Variants in ZNF701 observed in about 807,000 individuals in gnomAD.
ZNF701 encodes the protein zinc finger protein 701.
A neutral mutation model predicts 7.1 loss-of-function variants in ZNF701; 6 were observed. The ratio of observed to expected loss-of-function variants is 0.84; its 90% CI spans 0.46 to 1.66. ZNF701 has a LOEUF of 1.66. Ranked by LOEUF, ZNF701 falls within the 40% of genes most tolerant of loss-of-function variation. The pLI, the probability that ZNF701 is intolerant of heterozygous loss-of-function variation, is 0.01. For missense variants in ZNF701, 541 were observed against 559.2 expected, an observed-to-expected ratio of 0.97 and a Z score of 0.33; for synonymous variants, 166 against 188.2, an observed-to-expected ratio of 0.88 and a Z score of 0.97.
downstream of ZNF701, chr19:52,588,490 A>G (rs1568510003): frequency 4.0e-6 from 1 of 249,734 alleles, no homozygotes; most frequent in African/African-American, 2.4e-5. Context: ...ATCTCAAAAA[A>G]AAAAAAAAGA....
Position 52,583,594 on chromosome 19 carries a change from G to C in ZNF701, c.*137G>C, listed in dbSNP as rs1297045881. On this transcript the variant is annotated 3_prime_UTR_variant, in exon 4 of 4. Transcript: ENST00000391785. Reference sequence around the variant, plus strand: ...TTCAAATCACTCCTTGAAATACATAGGAGAGTTCATACTGGAGAGAAACCA... The same window carrying C: ...TTCAAATCACTCCTTGAAATACATACGAGAGTTCATACTGGAGAGAAACCA... 3 of 1,404,666 alleles carry C rather than the reference G, an allele frequency of 2.1e-6. No individual in the cohort carries two copies. In the African/African-American group the frequency reaches 4.3e-5, roughly 20 times the overall value. The allele number at this position is 1,404,666 out of a possible 1,614,324, so 87.0% of individuals were successfully genotyped here. A position where few individuals can be genotyped will look rare whatever the true frequency, so the allele number is the denominator to read the frequency against.
chr19:52,588,635 G>T, downstream of ZNF701: 1 of 350,510 alleles, frequency 2.9e-6, no homozygotes, highest in South Asian at 2.9e-5. Context: ...TTCCTCGGTG[G>T]ATTCTTCTGT....
the ZNF701 span, chr19:52,596,071 A>G: frequency 5.6e-6 from 7 of 1,242,180 alleles, no homozygotes; most frequent in African/African-American, 3.0e-5. Flanking sequence ...TCTATTCTTC[A>G]TTATTCACAC....
chr19:52,575,545 G>A (rs982570816), intron 2 of ZNF701, among the ~76,000 whole-genome samples: 2 of 150,180 alleles, frequency 1.3e-5, no homozygotes, highest in African/African-American at 4.9e-5. Context: ...TTGTTGCCCA[G>A]GCTAGAATGC....
intron 2 of ZNF701, among the ~76,000 whole-genome samples, chr19:52,574,899 A>G (rs943425516): frequency 2.0e-5 from 3 of 152,180 alleles, no homozygotes; most frequent in African/African-American, 7.2e-5. Context: ...CAGCTGCCAA[A>G]TTATCCTTTT....
Position 52,582,802 on chromosome 19 carries a change from G to A in ZNF701, c.743G>A (p.Cys248Tyr). ...LGDKQYKCDV[C>Y]GKDFHQKRYL... The stretch of plus-strand genomic sequence containing the variant: ...GACAAACAGTATAAATGTGATGTAT[G>A]CGGCAAGGACTTTCATCAGAAGCGA... The change falls in exon 4 of 4, where the codon TGC (cysteine) becomes TAC (tyrosine). Residue 248 changes from cysteine (C) to tyrosine (Y), a missense_variant. Coordinates refer to ENST00000391785, the MANE Select transcript of ZNF701 (RefSeq NM_018260.3). The A allele has an allele frequency of 1.2e-6, 2 of 1,614,152 alleles. No homozygotes were observed. Among genetic ancestry groups the A allele is most frequent in the Non-Finnish European group, 1.7e-6 (2 of 1,180,036 alleles).
intron 2 of ZNF701, among the ~76,000 whole-genome samples, chr19:52,575,279 A>G (rs781286519): frequency 2.6e-4 from 39 of 151,964 alleles, no homozygotes; most frequent in Non-Finnish European, 5.4e-4. Context: ...TACTTTTTGT[A>G]TTTTTAAAAC....
rs115694523 is a variant in ZNF701 at position 52,582,823 on chromosome 19, A to G, written c.764A>G (p.Lys255Arg). ...CDVCGKDFHQ[K>R]RYLACHRCHT... ...GTATGCGGCAAGGACTTTCATCAGA[A>G]GCGATACCTTGCATGCCATAGATGT... Residue 255 changes from lysine to arginine, a missense_variant, in exon 4 of 4, where the codon AAG (lysine) becomes AGG (arginine). Lys to Arg is a conservative substitution (Grantham distance 26). Transcript: ENST00000391785. 717 of 1,614,172 alleles carry G rather than the reference A, an allele frequency of 4.4e-4. 3 individuals are homozygous for G. In the African/African-American group the frequency reaches 8.7e-3, roughly 20 times the overall value.
At chr19:52,596,587 ATGGACTTCATAC>A in the ZNF701 span, 1 of 409,958 alleles carries the variant, frequency 2.4e-6, no homozygotes, top group South Asian at 1.9e-5. Context: ...CTTGCACATC[ATGGACTTCATAC>A]TGGAGGGAAA....
At position 52,583,191 on chromosome 19, in the gene ZNF701, G is replaced by A. The variant is rs757681166; in HGVS notation, c.1132G>A (p.Gly378Arg). The A allele has an allele frequency of 5.6e-6, 9 of 1,613,844 alleles. No individual in the cohort carries two copies. The highest frequency in any genetic ancestry group is 2.2e-5 in the East Asian group (1 of 44,842). The change falls in exon 4 of 4, where the codon GGA becomes AGA. Residue 378 changes from glycine (G) to arginine (R), a missense_variant. Gly to Arg is a moderately radical substitution (Grantham distance 125, BLOSUM62 -2). Transcript: ENST00000391785. ...HLAQHTVIHT[G>R]EKPYKCNECG... ...GGCACAACATACTGTAATTCACACT[G>A]GAGAGAAACCTTACAAGTGTAATGA...
downstream of ZNF701, among the ~76,000 whole-genome samples, chr19:52,587,469 G>C (rs974180939): frequency 2.0e-5 from 3 of 152,176 alleles, no homozygotes; most frequent in Non-Finnish European, 4.4e-5. Flanking sequence ...TCAACTGCAA[G>C]TGACAAGCAG....
At chr19:52,576,288 C>A (rs571229789) in intron 3 of ZNF701, among the ~76,000 whole-genome samples, 21 of 152,268 alleles carry the variant, frequency 1.4e-4, no homozygotes, top group African/African-American at 5.1e-4. Flanking sequence ...CACCTGTCAT[C>A]ACAGCACTTT....
chr19:52,578,009 C>CT (rs1182709937), intron 3 of ZNF701, among the ~76,000 whole-genome samples: 1 of 152,040 alleles, frequency 6.6e-6, no homozygotes, highest in Non-Finnish European at 1.5e-5. Context: ...AATCCCAGCA[C>CT]TTTAGGGGTC....
chr19:52,597,072 A>C, the ZNF701 span: 4 of 1,212,944 alleles, frequency 3.3e-6, no homozygotes, highest in Non-Finnish European at 4.7e-6. Context: ...GAGAATCCAT[A>C]ATGAAGACAG....
rs181498543 is a variant in ZNF701 at position 52,580,400 on chromosome 19, T to G, written c.143-1802T>G. ...CCACCGTGCCCAGCTAATGTTTTTG[T>G]ATTTTTAGTAGATATGGGGTTGCAC... is the stretch of plus-strand genomic sequence containing the variant. On this transcript the variant is annotated intron_variant, in intron 3 of 3. Transcript: ENST00000391785. Among the ~76,000 whole-genome samples, 19 of 152,290 alleles carry G rather than the reference T, an allele frequency of 1.2e-4. 2 individuals are homozygous for G. The East Asian group carries it at 3.7e-3, about 29-fold the overall frequency.
rs2059889453 is a variant in ZNF701 at position 52,570,328 on chromosome 19, G to A, written c.-74G>A. 6.5e-6 allele frequency: 1 copy of A among 154,200 alleles called. No homozygotes were observed. Among genetic ancestry groups the A allele is most frequent in the Non-Finnish European group, 1.4e-5 (1 of 69,226 alleles). 9.6% of individuals were successfully genotyped at this position (154,200 alleles called of 1,614,324 possible). On this transcript the variant is annotated splice_region_variant and 5_prime_UTR_variant, in exon 1 of 4. Transcript: ENST00000391785. ...CCCGTGGAGTGAAGGTCGCACCGCGGCGGTGAGTTTTGCTCTGTGTTGTAT... is the reference window on the plus strand; with the variant it reads ...CCCGTGGAGTGAAGGTCGCACCGCGACGGTGAGTTTTGCTCTGTGTTGTAT...
chr19:52,578,808 A>G (rs1165904231), intron 3 of ZNF701, among the ~76,000 whole-genome samples: 1 of 152,146 alleles, frequency 6.6e-6, no homozygotes, highest in Non-Finnish European at 1.5e-5. Context: ...CCCAGGCTGG[A>G]GTGCAGTGGT....
intron 3 of ZNF701, among the ~76,000 whole-genome samples, chr19:52,576,861 A>G (rs1252299747): frequency 6.6e-6 from 1 of 152,186 alleles, no homozygotes; most frequent in African/African-American, 2.4e-5. Context: ...AGCAAGAGAA[A>G]GGGCCCTGGA....
rs1260928025 is a variant in ZNF701, at chr19:52,575,876, A to C, written c.16-19A>C. 2 of 1,438,968 alleles carry C rather than the reference A, an allele frequency of 1.4e-6. No homozygotes were observed. Among genetic ancestry groups the C allele is most frequent in the Non-Finnish European group, 1.9e-6 (2 of 1,073,560 alleles). 89.1% of individuals were successfully genotyped at this position (1,438,968 alleles called of 1,614,324 possible). On this transcript the variant is annotated intron_variant, in intron 2 of 3. Transcript: ENST00000391785. ...ATCTCCTCCCATAACCATTTGCTTA[A>C]AATGTGTTTTCCTTTCAGGGTCTAC... is the stretch of plus-strand genomic sequence containing the variant.
Sources: gnomAD v4.1 joint callset for allele counts (sites outside exome capture counted in the v4.1 genomes callset) on GRCh38, gnomAD v4.1.1 for gene constraint, MANE v1.5 for transcripts, NCBI Gene and HGNC (gene_info 2026-07-23, HGNC 2026-07-21) for gene names.